Variants in SDHA observed in about 807,000 individuals in gnomAD.
SDHA encodes succinate dehydrogenase complex flavoprotein subunit A.
A neutral mutation model predicts 78.4 loss-of-function variants in SDHA; 48 were observed. The ratio of observed to expected loss-of-function variants is 0.61; its 90% confidence interval spans 0.49 to 0.78. The LOEUF is 0.78. SDHA is among the 30% of genes least tolerant of loss of function. The pLI is 0.00. For missense variants in SDHA, 680 were observed against 892.7 expected, an observed-to-expected ratio of 0.76 and a Z score of 3.04; for synonymous variants, 326 against 353.9, an observed-to-expected ratio of 0.92 and a Z score of 0.88.
chr5:221,562 C>T (rs934424203), intron 1 of SDHA, among the ~76,000 whole-genome samples: 2 of 152,206 alleles, frequency 1.3e-5, no homozygotes, highest in African/African-American at 4.8e-5. Flanking sequence ...CCCTCCACCT[C>T]CTAATTCAGT....
At chr5:238,595 C>T (rs1013423234) in intron 10 of SDHA, among the ~76,000 whole-genome samples, 1 of 152,146 alleles carries the variant, frequency 6.6e-6, no homozygotes, top group Admixed American at 6.5e-5. Context: ...GGCTTGAACT[C>T]CTGGCCTCAA....
At chr5:246,257 G>A (rs1229861928) in intron 11 of SDHA, among the ~76,000 whole-genome samples, 1 of 151,902 alleles carries the variant, frequency 6.6e-6, no homozygotes, top group Non-Finnish European at 1.5e-5. Flanking sequence ...TGATCGAAAA[G>A]CAAGGCCATA....
At chr5:268,442 A>C in the SDHA span, among the ~76,000 whole-genome samples, 31 of 152,080 alleles carry the variant, frequency 2.0e-4, no homozygotes. Flanking sequence ...CTGGAATTAC[A>C]GCTGTGAGCC....
At chr5:218,817 C>A (rs952102703) in intron 1 of SDHA, among the ~76,000 whole-genome samples, 1 of 152,146 alleles carries the variant, frequency 6.6e-6, no homozygotes, top group African/African-American at 2.4e-5. Flanking sequence ...CCGGTGGCCG[C>A]CCTGGCTGGG....
At chr5:243,147 G>A (rs1418320407) in intron 11 of SDHA, among the ~76,000 whole-genome samples, 1 of 152,128 alleles carries the variant, frequency 6.6e-6, no homozygotes. Context: ...TAGAGGCTTG[G>A]CAGTTCCCTG....
At position 228,163 on chromosome 5, in the gene SDHA, CT is replaced by C. The variant is rs3835068; in HGVS notation, c.622-13del. On this transcript the variant is annotated intron_variant, in intron 5 of 14. Coordinates refer to ENST00000264932, the MANE Select transcript of SDHA (RefSeq NM_004168.4). ...AAAGTTTGGCTTAACACTTCTTGCC[CT>C]TTTTTTTTCCTTTCTTTTAGTCTCT... is the stretch of plus-strand genomic sequence containing the variant. 235,493 of 1,597,740 alleles carry C rather than the reference CT, an allele frequency of 0.15. 23,812 individuals are homozygous for C. Among genetic ancestry groups the C allele is most frequent in the African/African-American group, 0.53 (39,533 of 74,312 alleles).
At chr5:262,139 C>T in the SDHA span, among the ~76,000 whole-genome samples, 12 of 59,566 alleles carry the variant, frequency 2.0e-4, 1 homozygote, top group African/African-American at 9.3e-5. Flanking sequence ...AGAGCATTAC[C>T]GTGTGAGCTC....
the SDHA span, among the ~76,000 whole-genome samples, chr5:266,349 G>A: frequency 1.3e-5 from 2 of 152,188 alleles, no homozygotes; most frequent in South Asian, 4.1e-4. Context: ...GGCAACAGAA[G>A]GGCTGATTTA....
At chr5:244,838 C>T (rs1736351328) in intron 11 of SDHA, among the ~76,000 whole-genome samples, 2 of 152,130 alleles carry the variant, frequency 1.3e-5, no homozygotes, top group South Asian at 4.1e-4. Flanking sequence ...CGATGGGGAG[C>T]ACAAGTTCTA....
At position 233,615 on chromosome 5, in the gene SDHA, G is replaced by A. The variant is rs1483236652; in HGVS notation, c.1034G>A (p.Arg345Gln). 2.5e-6 allele frequency: 4 copies of A among 1,614,110 alleles called. No individual in the cohort carries two copies. The highest frequency in any genetic ancestry group is 3.4e-6 in the Non-Finnish European group (4 of 1,179,978). ...CTGGCGTCTAGAGATGTGGTGTCTC[G>A]GTCCATGACTCTGGAGATCCGAGAA... ...KDLASRDVVS[R>Q]SMTLEIREGR... is the part of the protein sequence containing the mutation. Residue 345 changes from arginine to glutamine, a missense_variant, in exon 8 of 15, where the codon CGG becomes CAG. Arg to Gln is a conservative substitution (Grantham distance 43). Transcript: ENST00000264932.
chr5:258,268 T>A (rs1397622179), downstream of SDHA, among the ~76,000 whole-genome samples: 1 of 101,056 alleles, frequency 9.9e-6, no homozygotes, highest in African/African-American at 6.2e-5. Context: ...CCGCCCCATG[T>A]TAGAGCATTA....
chr5:236,258 C>G (rs1735768929), intron 9 of SDHA, 170 bp from the exon 10 acceptor site: 2 of 694,820 alleles, frequency 2.9e-6, no homozygotes, highest in Non-Finnish European at 5.3e-6. Flanking sequence ...CCCCTGACCT[C>G]AGGTGATCAC....
intron 7 of SDHA, among the ~76,000 whole-genome samples, chr5:232,032 C>G (rs796577301): frequency 1.5e-5 from 2 of 129,222 alleles, no homozygotes; most frequent in African/African-American, 9.7e-5. Flanking sequence ...AGACACACAC[C>G]TGCCTCTTGT....
intron 8 of SDHA, chr5:234,716 G>A (rs1195268670): frequency 1.8e-5 from 5 of 273,238 alleles, no homozygotes; most frequent in Non-Finnish European, 3.6e-5. Flanking sequence ...AGAGGAGGAT[G>A]TGCATAGGTT....
chr5:234,365 G>C, intron 8 of SDHA: 1 of 142,756 alleles, frequency 7.0e-6, no homozygotes, highest in Non-Finnish European at 1.5e-5. Context: ...CTTGCAGTGA[G>C]CTGAGATCAC....
chr5:259,346 G>C (rs368030534), downstream of SDHA, among the ~76,000 whole-genome samples: 46 of 26,818 alleles, frequency 1.7e-3, 2 homozygotes, highest in East Asian at 7.3e-3. Flanking sequence ...CCCCCCGCCA[G>C]AGCATTACCG....
intron 13 of SDHA, 107 bp downstream of exon 13, chr5:251,575 T>G: frequency 1.3e-6 from 2 of 1,573,746 alleles, no homozygotes; most frequent in Non-Finnish European, 1.7e-6. Flanking sequence ...GCCCCAAAAG[T>G]AAATCCAAAA....
the SDHA span, among the ~76,000 whole-genome samples, chr5:264,139 G>A: frequency 6.6e-6 from 1 of 152,200 alleles, no homozygotes; most frequent in African/African-American, 2.4e-5. Context: ...AAACTAAAGT[G>A]GTTGCTGTGG....
chr5:235,865 G>A (rs989217243), intron 9 of SDHA: 5 of 253,532 alleles, frequency 2.0e-5, no homozygotes, highest in African/African-American at 9.0e-5. Context: ...CATGGGACAC[G>A]GGGGACAGTC....
Sources: gnomAD v4.1 joint callset for allele counts (sites outside exome capture counted in the v4.1 genomes callset) on GRCh38, gnomAD v4.1.1 for gene constraint, MANE v1.5 for transcripts, NCBI Gene and HGNC (gene_info 2026-07-23, HGNC 2026-07-21) for gene names.